CD86: variants seen among roughly 807,000 people sequenced by gnomAD.
CD86 encodes CD86 molecule.
CD86 carries 11 observed loss-of-function variants against 32.1 expected under a neutral mutation model. The observed-to-expected ratio is 0.34, with a 90% CI of 0.22 to 0.57. The LOEUF is 0.57. Ranked by LOEUF, CD86 falls within the 20% of genes least tolerant of loss-of-function variation. The pLI is 0.86. For missense variants in CD86, 359 were observed against 398.4 expected (o/e 0.90, Z 0.84); for synonymous variants, 137 against 135.3 (o/e 1.01, Z -0.09).
At chr3:122,073,002 G>T in intron 1 of CD86, among the ~76,000 whole-genome samples, 2 of 151,708 alleles carry the variant, frequency 1.3e-5, no homozygotes. Flanking sequence ...TTTCCCCATT[G>T]CTTGTTTTTC....
intron 1 of CD86, among the ~76,000 whole-genome samples, chr3:122,088,332 A>G (rs1195073273): frequency 2.0e-5 from 3 of 152,082 alleles, no homozygotes; most frequent in African/African-American, 7.2e-5. Flanking sequence ...CTATCTGTAC[A>G]TTTCTTTTGC....
chr3:122,074,969 C>T (rs530099473), intron 1 of CD86, among the ~76,000 whole-genome samples: 18 of 152,244 alleles, frequency 1.2e-4, no homozygotes, highest in Admixed American at 3.9e-4. Context: ...ACCACCATCA[C>T]GGTTGGCCCC....
At chr3:122,058,958 C>T (rs2072283297) in intron 1 of CD86, among the ~76,000 whole-genome samples, 1 of 151,990 alleles carries the variant, frequency 6.6e-6, no homozygotes, top group Non-Finnish European at 1.5e-5. Context: ...CAGATGTAGA[C>T]ACTGGGAGAG....
At chr3:122,114,055 C>T (rs537545538) in intron 5 of CD86, among the ~76,000 whole-genome samples, 8 of 151,840 alleles carry the variant, frequency 5.3e-5, no homozygotes, top group Non-Finnish European at 1.2e-4. Context: ...GTTCGAGACC[C>T]GCCTGGCCAA....
intron 1 of CD86, among the ~76,000 whole-genome samples, chr3:122,091,332 G>A (rs979339679): frequency 2.0e-5 from 3 of 152,196 alleles, no homozygotes; most frequent in African/African-American, 7.2e-5. Flanking sequence ...TTAGCAGCCA[G>A]ATCTGGAAGA....
At chr3:122,110,695 C>A (rs938470667) in intron 5 of CD86, among the ~76,000 whole-genome samples, 2 of 152,088 alleles carry the variant, frequency 1.3e-5, no homozygotes, top group Non-Finnish European at 2.9e-5. Context: ...GAGTGTGCTG[C>A]GAGATTTCTA....
chr3:122,119,363 CCTATCATTGAAAT>C (rs2073306274), intron 6 of CD86, 62 bp from the exon 7 acceptor site: 1 of 821,876 alleles, frequency 1.2e-6, no homozygotes, highest in Non-Finnish European at 2.1e-6. Flanking sequence ...TCTATTCTGC[CCTATCATTGAAAT>C]CTAGAAAAAG....
intron 1 of CD86, among the ~76,000 whole-genome samples, chr3:122,074,814 C>A (rs1308111263): frequency 1.3e-5 from 2 of 152,086 alleles, no homozygotes; most frequent in Admixed American, 1.3e-4. Context: ...GTCCTGAGAG[C>A]GTTGGAGAAT....
intron 1 of CD86, among the ~76,000 whole-genome samples, chr3:122,091,140 G>T (rs2107526558): frequency 6.6e-6 from 1 of 152,200 alleles, no homozygotes; most frequent in East Asian, 1.9e-4. Flanking sequence ...TTTATTTTTT[G>T]CCAATATCAC....
At position 122,119,675 on chromosome 3, in the gene CD86, G is replaced by T; in HGVS notation, c.*141G>T. 1.6e-6 allele frequency: 1 copy of T among 614,766 alleles called. No homozygotes were observed. The highest frequency in any genetic ancestry group is 2.9e-6 in the Non-Finnish European group (1 of 343,038). 38.1% of individuals were successfully genotyped at this position (614,766 alleles called of 1,614,324 possible). The stretch of plus-strand genomic sequence containing the variant: ...GGGGCTCCAGGACTCCCTCTAAGTG[G>T]AATAGCCTCCCTGTAACTCCAGCTC... On this transcript the variant is annotated 3_prime_UTR_variant, in exon 7 of 7. Coordinates refer to ENST00000330540, the MANE Select transcript of CD86 (RefSeq NM_175862.5).
At position 122,112,355 on chromosome 3, in the gene CD86, T is replaced by C. The variant is rs1167932739; in HGVS notation, c.847+2947T>C. Among the ~76,000 whole-genome samples the C allele has an allele frequency of 2.6e-5, 4 of 152,028 alleles. No homozygotes were observed. The East Asian group carries it at 7.7e-4, about 29-fold the overall frequency. ...GTGTGTGAGACAGAGCCTCACTCTGTCACCAGGCTGGAGTGCAGTGGCACG... is the reference window on the plus strand; with the variant it reads ...GTGTGTGAGACAGAGCCTCACTCTGCCACCAGGCTGGAGTGCAGTGGCACG... On this transcript the variant is annotated intron_variant, in intron 5 of 6. Transcript: ENST00000330540.
intron 1 of CD86, among the ~76,000 whole-genome samples, chr3:122,084,504 C>A (rs549985612): frequency 3.3e-5 from 5 of 152,286 alleles, no homozygotes; most frequent in Non-Finnish European, 5.9e-5. Flanking sequence ...TAGGTGGTAG[C>A]CAGATTTGGC....
chr3:122,114,260 TATAAATAAATAA>T (rs56864968), intron 5 of CD86, among the ~76,000 whole-genome samples: 8 of 151,366 alleles, frequency 5.3e-5, no homozygotes, highest in Admixed American at 1.3e-4. Context: ...TCTTAAAAAA[TATAAATAAATAA>T]ATAAATAAAT....
At chr3:122,098,108 A>G (rs975442033) in intron 2 of CD86, among the ~76,000 whole-genome samples, 4 of 152,198 alleles carry the variant, frequency 2.6e-5, no homozygotes, top group Admixed American at 2.6e-4. Context: ...CAGGTCTGAA[A>G]AATCACACAT....
chr3:122,062,252 G>A (rs958407406), intron 1 of CD86, among the ~76,000 whole-genome samples: 9 of 152,182 alleles, frequency 5.9e-5, no homozygotes, highest in East Asian at 1.9e-4. Flanking sequence ...GGATACTTTC[G>A]TATACTACTG....
intron 2 of CD86, among the ~76,000 whole-genome samples, chr3:122,093,185 C>T (rs2072852990): frequency 6.6e-6 from 1 of 152,132 alleles, no homozygotes. Context: ...GAGACAGCAT[C>T]TTTCTCTGTC....
chr3:122,086,087 G>A (rs1256514703), intron 1 of CD86, among the ~76,000 whole-genome samples: 1 of 152,134 alleles, frequency 6.6e-6, no homozygotes, highest in African/African-American at 2.4e-5. Context: ...GTTATTTGTG[G>A]ACACTTTTTC....
chr3:122,091,511 C>A, intron 1 of CD86, 90 bp from the exon 2 acceptor site: 1 of 1,050,360 alleles, frequency 9.5e-7, no homozygotes, highest in Non-Finnish European at 1.5e-6. Context: ...AAGTGAATCC[C>A]AAACTCCACG....
intron 5 of CD86, among the ~76,000 whole-genome samples, chr3:122,117,143 T>C (rs2073266283): frequency 6.6e-6 from 1 of 152,192 alleles, no homozygotes; most frequent in South Asian, 2.1e-4. Flanking sequence ...ATTTCTGAGA[T>C]TTTGATGCAC....
Sources: allele counts gnomAD v4.1 joint callset (sites outside exome capture counted in the v4.1 genomes callset), GRCh38; gene constraint gnomAD v4.1.1; transcripts MANE v1.5; gene names NCBI Gene and HGNC (gene_info 2026-07-23, HGNC 2026-07-21).